The following HNRNPA3 variants were observed in gnomAD, a reference collection of about 807,000 sequenced individuals.
The protein encoded by HNRNPA3 is heterogeneous nuclear ribonucleoprotein A3, also known as epididymis secretory sperm binding protein.
A neutral mutation model predicts 45.8 loss-of-function variants in HNRNPA3; 3 were observed. The ratio of observed to expected loss-of-function variants is 0.07; its 90% CI spans 0.03 to 0.17. The LOEUF is 0.17. HNRNPA3 is among the 10% of genes least tolerant of loss of function. HNRNPA3 has a pLI of 1.00. For missense variants in HNRNPA3, 183 were observed against 480.3 expected (o/e 0.38, Z 5.79); for synonymous variants, 170 against 155.6 (o/e 1.09, Z -0.69).
At chr2:177,214,872 C>T (rs1471312658) in intron 1 of HNRNPA3, among the ~76,000 whole-genome samples, 1 of 152,188 alleles carries the variant, frequency 6.6e-6, no homozygotes, top group East Asian at 1.9e-4. Flanking sequence ...AGATGCAACA[C>T]TGCTTCTCCA....
downstream of HNRNPA3, chr2:177,221,022 C>G (rs1348236939): frequency 6.6e-6 from 1 of 152,608 alleles, no homozygotes; most frequent in Non-Finnish European, 1.5e-5. Flanking sequence ...AATATGCTCT[C>G]TTGTTGCTCT....
At chr2:177,222,520 T>G (rs1689226754), downstream of HNRNPA3, 1 of 152,252 alleles carries the variant, frequency 6.6e-6, no homozygotes, top group African/African-American at 2.4e-5. Flanking sequence ...CATTAAAAGT[T>G]ACCAGGGCCA....
At chr2:177,213,928 C>G (rs1688805159) in intron 1 of HNRNPA3, among the ~76,000 whole-genome samples, 1 of 152,242 alleles carries the variant, frequency 6.6e-6, no homozygotes, top group South Asian at 2.1e-4. Context: ...TACATTTATC[C>G]AAGACTTGAA....
downstream of HNRNPA3, chr2:177,221,145 G>A (rs879453325): frequency 1.3e-5 from 2 of 152,584 alleles, no homozygotes; most frequent in Admixed American, 6.5e-5. Context: ...AAATGTAACA[G>A]ACATTCCATT....
intron 3 of HNRNPA3, 27 bp downstream of exon 3, chr2:177,215,923 T>C (rs1223605682): frequency 6.9e-6 from 11 of 1,597,326 alleles, no homozygotes; most frequent in Non-Finnish European, 9.4e-6. Context: ...TTGTGTAATA[T>C]GTGAAATTGT....
chr2:177,214,473 T>G (rs1688839395), intron 1 of HNRNPA3, among the ~76,000 whole-genome samples: 1 of 152,130 alleles, frequency 6.6e-6, no homozygotes, highest in Non-Finnish European at 1.5e-5. Context: ...ATTCAGAACT[T>G]TTAGATTGTT....
intron 3 of HNRNPA3, 37 bp from the exon 4 acceptor site, chr2:177,215,941 G>A (rs1428874103): frequency 1.3e-6 from 2 of 1,596,516 alleles, no homozygotes; most frequent in East Asian, 2.2e-5. Context: ...TGTTGTGAAA[G>A]TTTGTTTCTT....
chr2:177,223,859 G>A (rs929867765), downstream of HNRNPA3: 3 of 152,168 alleles, frequency 2.0e-5, no homozygotes, highest in Admixed American at 1.3e-4. Context: ...AGAAATGTGT[G>A]TGTTGTTTTG....
At chr2:177,214,188 T>G (rs1688820024) in intron 1 of HNRNPA3, among the ~76,000 whole-genome samples, 1 of 152,256 alleles carries the variant, frequency 6.6e-6, no homozygotes, top group Admixed American at 6.5e-5. Flanking sequence ...ACATCTTAAT[T>G]CTTAAAAATC....
In HNRNPA3 at chr2:177,218,068, T is replaced by C. The variant is rs898894460; in HGVS notation, c.961+223T>C. On this transcript the variant is annotated intron_variant, in intron 8 of 10. Coordinates refer to ENST00000392524, the Ensembl canonical transcript of HNRNPA3. ...CTCTTTTTTCTTTTTTTTTTTTTTTTTTTTTTTTTTTGAGATGGAGTCTTG... is the reference window on the plus strand; with the variant it reads ...CTCTTTTTTCTTTTTTTTTTTTTTTCTTTTTTTTTTTGAGATGGAGTCTTG... Among the ~76,000 whole-genome samples, 11 of 143,588 alleles carry C rather than the reference T, an allele frequency of 7.7e-5. 1 individual carries two copies. Among genetic ancestry groups the C allele is most frequent in the African/African-American group, 2.4e-4 (9 of 37,846 alleles). 94.2% of individuals were successfully genotyped at this position (143,588 alleles called of 152,430 possible). A position where few individuals can be genotyped will look rare whatever the true frequency, so the allele number is the denominator to read the frequency against.
In HNRNPA3 at chr2:177,212,960, C is replaced by T. The variant is rs1688745476; in HGVS notation, c.72+89C>T. On this transcript the variant is annotated intron_variant, in intron 1 of 10. Transcript: ENST00000392524. ...AGCGGGGAGGCCGGGTGGACCGGGT[C>T]GGCCGTCCCGCGCTCTTGCGTTGAG... The T allele has an allele frequency of 4.8e-6, 4 of 840,050 alleles. No homozygotes were observed. The South Asian group carries it at 6.0e-5, about 13-fold the overall frequency. 52.0% of individuals were successfully genotyped at this position (840,050 alleles called of 1,614,324 possible).
chr2:177,221,432 A>G (rs1454767019), downstream of HNRNPA3: 1 of 152,670 alleles, frequency 6.6e-6, no homozygotes, highest in Non-Finnish European at 1.5e-5. Flanking sequence ...CCTTGACAGT[A>G]TCCTTTAATG....
At chr2:177,218,040 GCT>G (rs1167991013) in intron 8 of HNRNPA3, among the ~76,000 whole-genome samples, 195 bp downstream of exon 8, 1 of 141,954 alleles carries the variant, frequency 7.0e-6, no homozygotes, top group African/African-American at 2.7e-5. Context: ...AATGTACTCA[GCT>G]CTCTTTTTTC....
intron 8 of HNRNPA3, among the ~76,000 whole-genome samples, chr2:177,218,064 T>TTTTC (rs1689031450): frequency 5.5e-5 from 1 of 18,116 alleles, no homozygotes; most frequent in Non-Finnish European, 3.2e-4. Flanking sequence ...TTTTTTTTTT[T>TTTTC]TTTTTTTTTT....
intron 7 of HNRNPA3, 109 bp downstream of exon 7, chr2:177,217,049 T>A (rs1190425811): frequency 8.5e-7 from 1 of 1,175,604 alleles, no homozygotes; most frequent in African/African-American, 1.6e-5. Flanking sequence ...GCTAAATGGT[T>A]AAGGTGTATT....
At chr2:177,215,388 C>T in intron 1 of HNRNPA3, 151 bp from the exon 2 acceptor site, 2 of 774,282 alleles carry the variant, frequency 2.6e-6, no homozygotes, top group Non-Finnish European at 4.3e-6. Flanking sequence ...AGACATCGCG[C>T]CGGTGTCTGG....
rs1367741664 is a variant in HNRNPA3 at position 177,217,081 on chromosome 2, CA to C, written c.820+142del. ...TATTTCCAAACTGTACATGGAAGAACAGGAACCCTTTTTCCCCTGGAGAGAC... is the reference window on the plus strand; with the variant it reads ...TATTTCCAAACTGTACATGGAAGAACGGAACCCTTTTTCCCCTGGAGAGAC... On this transcript the variant is annotated intron_variant, in intron 7 of 10. Coordinates refer to ENST00000392524, the Ensembl canonical transcript of HNRNPA3. 1.2e-5 allele frequency: 11 copies of C among 901,990 alleles called. No individual in the cohort carries two copies. The African/African-American group carries it at 1.6e-4, about 13-fold the overall frequency. The allele number at this position is 901,990 out of a possible 1,614,324, so 55.9% of individuals were successfully genotyped here.
chr2:177,214,524 T>G (rs547763000), intron 1 of HNRNPA3, among the ~76,000 whole-genome samples: 6 of 152,326 alleles, frequency 3.9e-5, no homozygotes, highest in African/African-American at 1.4e-4. Flanking sequence ...GGCCGGGCGC[T>G]GTGGCTCACG....
exon 8 of HNRNPA3, chr2:177,217,841 C>T (rs138883000): frequency 3.1e-5 from 48 of 1,569,574 alleles, no homozygotes; most frequent in East Asian, 4.6e-5. Context: ...GAAATTTTGG[C>T]GGTGGTAAGC....
Sources: allele counts gnomAD v4.1 joint callset (sites outside exome capture counted in the v4.1 genomes callset), GRCh38; gene constraint gnomAD v4.1.1; transcripts MANE v1.5; gene names NCBI Gene and HGNC (gene_info 2026-07-23, HGNC 2026-07-21).